The following MGAT4A variants were observed in gnomAD, a reference collection of about 807,000 sequenced individuals.
MGAT4A encodes N-acetylglucosaminyltransferase IVa.
MGAT4A carries 33 observed loss-of-function variants against 74.1 expected under a neutral mutation model. That is an observed-to-expected ratio of 0.45 (90% confidence interval 0.34 to 0.60). The LOEUF is 0.60. Among genes scored for constraint, MGAT4A ranks in the 20% least tolerant of loss-of-function variants. The pLI is 0.02. For missense variants in MGAT4A, 479 were observed against 628.3 expected (o/e 0.76, Z 2.54); for synonymous variants, 198 against 210.4 (o/e 0.94, Z 0.51).
At position 98,621,847 on chromosome 2, in the gene MGAT4A, A is replaced by C. The variant is rs374531427; in HGVS notation, c.*3719T>G. ...TTTGCTTATAGTTTTAAAAATAACA[A>C]CACCTTCTAATTATTGACTAGTGCA... is the stretch of plus-strand genomic sequence containing the variant. On this transcript the variant is annotated 3_prime_UTR_variant, in exon 16 of 16. Coordinates refer to ENST00000393487, the MANE Select transcript of MGAT4A (RefSeq NM_012214.3). The C allele has an allele frequency of 1.1e-4, 112 of 1,024,128 alleles. 1 individual carries two copies. Among genetic ancestry groups the C allele is most frequent in the Non-Finnish European group, 1.1e-4 (98 of 854,610 alleles). The allele number at this position is 1,024,128 out of a possible 1,614,324, so 63.4% of individuals were successfully genotyped here. A position where few individuals can be genotyped will look rare whatever the true frequency, so the allele number is the denominator to read the frequency against.
rs1158043404 is a variant in MGAT4A at position 98,643,939 on chromosome 2, T to TTAC, written c.1003_1004insGTA (p.Cys334_Asn335insSer). On this transcript the variant is annotated inframe_insertion, in exon 10 of 16. Transcript: ENST00000393487. Reference sequence around the variant, plus strand: ...TTAACTTACTGCATCTTTTTCAGGGTTGCAGACTTTCACCCAGAGAATATG... The same window carrying TTAC: ...TTAACTTACTGCATCTTTTTCAGGGTTACTGCAGACTTTCACCCAGAGAATATG... 6.4e-7 allele frequency: 1 copy of TTAC among 1,567,354 alleles called. No homozygotes were observed.
rs150799984 is a variant in MGAT4A at position 98,647,225 on chromosome 2, A to G, written c.775-1683T>C. Among the ~76,000 whole-genome samples the G allele has an allele frequency of 2.4e-3, 368 of 152,316 alleles. 4 individuals carry two copies. The highest frequency in any genetic ancestry group is 3.1e-3 in the South Asian group (15 of 4,828). ...CAGCTGCTGGAGAGCTAAATTTATAATGCAGCAATGAGGCAGGCATATGGA... is the reference window on the plus strand; with the variant it reads ...CAGCTGCTGGAGAGCTAAATTTATAGTGCAGCAATGAGGCAGGCATATGGA... On this transcript the variant is annotated intron_variant, in intron 8 of 15. Transcript: ENST00000393487.
chr2:98,639,265 G>A (rs992583139), intron 12 of MGAT4A, among the ~76,000 whole-genome samples: 3 of 151,324 alleles, frequency 2.0e-5, no homozygotes, highest in Admixed American at 6.6e-5. Context: ...CAGTCTGGGC[G>A]ACAGAGCGAG....
Position 98,675,186 on chromosome 2 carries a change from G to T in MGAT4A, c.263-11C>A. 1.3e-6 allele frequency: 2 copies of T among 1,560,216 alleles called. No homozygotes were observed. Among genetic ancestry groups the T allele is most frequent in the Middle Eastern group, 1.7e-4 (1 of 5,814 alleles). Reference sequence around the variant, plus strand: ...GCTTTAGGGTATTATCTGAAACACAGAAGTATAATTAATATACAAGAATTA... The same window carrying T: ...GCTTTAGGGTATTATCTGAAACACATAAGTATAATTAATATACAAGAATTA... On this transcript the variant is annotated splice_polypyrimidine_tract_variant and intron_variant, in intron 3 of 15. Transcript: ENST00000393487.
chr2:98,717,874 A>T (rs1161015705), intron 2 of MGAT4A, among the ~76,000 whole-genome samples: 1 of 152,258 alleles, frequency 6.6e-6, no homozygotes. Flanking sequence ...ACAGGTCGAC[A>T]ATTTTGGTAA....
chr2:98,724,202 G>GA (rs1702727223), intron 2 of MGAT4A, among the ~76,000 whole-genome samples: 3 of 151,832 alleles, frequency 2.0e-5, no homozygotes, highest in African/African-American at 7.2e-5. Flanking sequence ...ATGAATGAAT[G>GA]AAAAAACAAC....
intron 2 of MGAT4A, among the ~76,000 whole-genome samples, chr2:98,684,046 A>G (rs1702097561): frequency 6.6e-6 from 1 of 152,144 alleles, no homozygotes; most frequent in African/African-American, 2.4e-5. Flanking sequence ...TTCATATTCC[A>G]TCTGGAAAGC....
At position 98,644,028 on chromosome 2, in the gene MGAT4A, A is replaced by G. The variant is rs965698701; in HGVS notation, c.915T>C (p.Leu305=). The stretch of plus-strand genomic sequence containing the variant: ...TGAATATGAATTCTACAATCAGAGT[A>G]AGATCCGGCGCTTGAAACATTTTAC... The part of the protein sequence containing the change: ...FIGKMFQAPD[L]TLIVEFIFMF... Residue 305 remains leucine, a synonymous_variant, in exon 10 of 16, where the codon CTT becomes CTC. Coordinates refer to ENST00000393487, the MANE Select transcript of MGAT4A (RefSeq NM_012214.3). 3 of 1,599,356 alleles carry G rather than the reference A, an allele frequency of 1.9e-6. No homozygotes were observed. Among genetic ancestry groups the G allele is most frequent in the Non-Finnish European group, 2.6e-6 (3 of 1,169,556 alleles).
At chr2:98,714,631 G>T (rs2104328803) in intron 2 of MGAT4A, among the ~76,000 whole-genome samples, 2 of 152,180 alleles carry the variant, frequency 1.3e-5, no homozygotes, top group African/African-American at 2.4e-5. Flanking sequence ...ATTCTCCAAA[G>T]GAACTACAGG....
chr2:98,666,544 T>G (rs1047401221), intron 4 of MGAT4A, among the ~76,000 whole-genome samples: 1 of 151,940 alleles, frequency 6.6e-6, no homozygotes, highest in Non-Finnish European at 1.5e-5. Flanking sequence ...AATAAAACAC[T>G]TAGCTGGGCA....
At chr2:98,637,031 T>A (rs1701330975) in intron 12 of MGAT4A, among the ~76,000 whole-genome samples, 1 of 152,128 alleles carries the variant, frequency 6.6e-6, no homozygotes. Flanking sequence ...AGTTCTAGGC[T>A]GGGCGTGGTG....
intron 2 of MGAT4A, among the ~76,000 whole-genome samples, chr2:98,715,317 CAAAAAAAAAAAAA>C (rs201860893): frequency 1.6e-5 from 1 of 63,256 alleles, no homozygotes; most frequent in Non-Finnish European, 3.3e-5. Flanking sequence ...GACTTCATCT[CAAAAAAAAAAAAA>C]AAAAAAAAAG....
At chr2:98,693,703 C>T (rs1425037178) in intron 2 of MGAT4A, among the ~76,000 whole-genome samples, 2 of 147,626 alleles carry the variant, frequency 1.4e-5, no homozygotes, top group African/African-American at 2.5e-5. Context: ...AAAAGATCAA[C>T]TGGGGAGGGC....
intron 2 of MGAT4A, among the ~76,000 whole-genome samples, chr2:98,697,705 G>A (rs566430770): frequency 1.8e-4 from 28 of 152,210 alleles, no homozygotes; most frequent in Admixed American, 7.2e-4. Context: ...AAGAACCAAC[G>A]AACAAATAAT....
chr2:98,712,600 T>C (rs934757389), intron 2 of MGAT4A, among the ~76,000 whole-genome samples: 3 of 152,188 alleles, frequency 2.0e-5, no homozygotes, highest in Admixed American at 6.5e-5. Flanking sequence ...TTCTTATACT[T>C]AAAACATTAC....
Position 98,623,520 on chromosome 2 carries a change from T to C in MGAT4A, c.*2046A>G, listed in dbSNP as rs941415149. 1 of 985,254 alleles carries C rather than the reference T, an allele frequency of 1.0e-6. No individual in the cohort carries two copies. Among genetic ancestry groups the C allele is most frequent in the African/African-American group, 1.7e-5 (1 of 57,218 alleles). The allele number at this position is 985,254 out of a possible 1,614,324, so 61.0% of individuals were successfully genotyped here. ...GGTGCCAAAATTTTATGACAAAAGG[T>C]TATTCCTGTTTTTGAATGAAATTTG... On this transcript the variant is annotated 3_prime_UTR_variant, in exon 16 of 16. Transcript: ENST00000393487.
At chr2:98,709,156 C>G (rs376527789) in intron 2 of MGAT4A, among the ~76,000 whole-genome samples, 3 of 152,264 alleles carry the variant, frequency 2.0e-5, no homozygotes, top group East Asian at 3.9e-4. Context: ...TCACTTCCTT[C>G]CCTAGAGCTG....
chr2:98,690,520 A>G (rs1702181359), intron 2 of MGAT4A, among the ~76,000 whole-genome samples: 1 of 152,156 alleles, frequency 6.6e-6, no homozygotes, highest in South Asian at 2.1e-4. Context: ...TCCCAAAATG[A>G]TGTCAGAAAA....
In MGAT4A at chr2:98,713,908, T is replaced by C. The variant is rs182758955; in HGVS notation, c.94+12331A>G. On this transcript the variant is annotated intron_variant, in intron 2 of 15. Coordinates refer to ENST00000393487, the MANE Select transcript of MGAT4A (RefSeq NM_012214.3). ...CACGGAAGAGGAAGTGACTAAAATG[T>C]AACCTAAGTAACTTTAGAAAATAGC... is the stretch of plus-strand genomic sequence containing the variant. 4.6e-3 allele frequency among the ~76,000 whole-genome samples: 694 copies of C among 152,326 alleles called. 13 individuals are homozygous for C. The highest frequency in any genetic ancestry group is 4.8e-3 in the Non-Finnish European group (327 of 68,026).
Sources: gnomAD v4.1 joint callset for allele counts (sites outside exome capture counted in the v4.1 genomes callset) on GRCh38, gnomAD v4.1.1 for gene constraint, MANE v1.5 for transcripts, NCBI Gene and HGNC (gene_info 2026-07-23, HGNC 2026-07-21) for gene names.